Variants in ARHGEF3 observed in about 807,000 individuals in gnomAD.
ARHGEF3 encodes Rho guanine nucleotide exchange factor 3.
ARHGEF3 carries 28 observed loss-of-function variants against 63.2 expected under a neutral mutation model. The ratio of observed to expected loss-of-function variants is 0.44; its 90% CI spans 0.33 to 0.61. The LOEUF (loss-of-function observed/expected upper bound fraction) is 0.61. Among genes scored for constraint, ARHGEF3 ranks in the 20% least tolerant of loss-of-function variants. The pLI, the probability that ARHGEF3 is intolerant of heterozygous loss-of-function variation, is 0.03. For synonymous variants in ARHGEF3, 266 were observed against 254.2 expected (o/e 1.05, Z -0.44); for missense variants, 533 against 659.3 (o/e 0.81, Z 2.10).
intron 1 of ARHGEF3, among the ~76,000 whole-genome samples, chr3:57,042,631 C>T (rs1704234091): frequency 7.6e-6 from 1 of 131,508 alleles, no homozygotes; most frequent in Non-Finnish European, 1.6e-5. Flanking sequence ...CATGTCCCAG[C>T]ATAACACTGT....
intron 3 of ARHGEF3, among the ~76,000 whole-genome samples, chr3:56,915,696 GATA>G (rs1292878492): frequency 2.0e-5 from 3 of 152,102 alleles, no homozygotes; most frequent in African/African-American, 7.2e-5. Context: ...AGTCTCCACT[GATA>G]ATATCTGACT....
chr3:57,056,886 A>G (rs1704963405), intron 1 of ARHGEF3, among the ~76,000 whole-genome samples: 2 of 151,970 alleles, frequency 1.3e-5, no homozygotes, highest in South Asian at 4.1e-4. Flanking sequence ...TGGTTCAAGC[A>G]GGCGACAAAA....
At chr3:56,821,941 C>T (rs963050956) in intron 4 of ARHGEF3, among the ~76,000 whole-genome samples, 12 of 145,814 alleles carry the variant, frequency 8.2e-5, no homozygotes, top group East Asian at 4.0e-4. Context: ...CCAGCCTGGA[C>T]GACAGAGAAA....
At chr3:56,882,620 G>C (rs573221157) in intron 3 of ARHGEF3, among the ~76,000 whole-genome samples, 114 of 149,796 alleles carry the variant, frequency 7.6e-4, no homozygotes, top group African/African-American at 2.6e-3. Flanking sequence ...CTCGGTTCAA[G>C]CGATTCTCCT....
rs766860518 is a variant in ARHGEF3, at chr3:56,729,305, A to G, written c.1546T>C (p.Cys516Arg). ...CTTTCACCGTGCCTGCTGTTTCCAC[A>G]GGAAGAGTCTGTCTGTTCCATGCGC... ...CERMEQTDSS[C>R]GNSRHGESNV Residue 516 changes from cysteine (C) to arginine (R), a missense_variant, in exon 10 of 10, where the codon TGT (cysteine) becomes CGT (arginine). Transcript: ENST00000296315. 3 of 1,613,836 alleles carry G rather than the reference A, an allele frequency of 1.9e-6. No homozygotes were observed. The highest frequency in any genetic ancestry group is 2.5e-6 in the Non-Finnish European group (3 of 1,179,840).
chr3:57,061,304 ATTT>A (rs530275314), intron 1 of ARHGEF3, among the ~76,000 whole-genome samples: 1 of 151,268 alleles, frequency 6.6e-6, no homozygotes, highest in East Asian at 1.9e-4. Context: ...ATTTATTATT[ATTT>A]TTTTTTTTGC....
intron 3 of ARHGEF3, among the ~76,000 whole-genome samples, chr3:56,896,529 T>C (rs948899178): frequency 1.3e-5 from 2 of 152,178 alleles, no homozygotes; most frequent in African/African-American, 4.8e-5. Flanking sequence ...TAGCTATTGG[T>C]TTTCCTGGTC....
chr3:56,851,105 G>A (rs542744608), intron 4 of ARHGEF3, among the ~76,000 whole-genome samples: 1 of 152,206 alleles, frequency 6.6e-6, no homozygotes, highest in Admixed American at 6.5e-5. Flanking sequence ...TGTACTAAGG[G>A]TGGGTACATG....
intron 3 of ARHGEF3, chr3:56,940,902 G>A (rs372737497): frequency 6.6e-5 from 10 of 152,068 alleles, no homozygotes; most frequent in African/African-American, 1.7e-4. Context: ...TAAGAGACCC[G>A]ATGCTCTGAA....
At chr3:56,857,894 T>C (rs1210267310) in intron 4 of ARHGEF3, among the ~76,000 whole-genome samples, 1 of 152,166 alleles carries the variant, frequency 6.6e-6, no homozygotes, top group African/African-American at 2.4e-5. Flanking sequence ...TAGCTGGGAC[T>C]ATAGATGCAA....
intron 3 of ARHGEF3, among the ~76,000 whole-genome samples, 183 bp downstream of exon 3, chr3:56,754,798 C>G (rs560161076): frequency 3.9e-5 from 6 of 152,232 alleles, no homozygotes; most frequent in African/African-American, 1.2e-4. Context: ...AAGTGGGGGC[C>G]ACACCCTCCC....
chr3:57,010,255 C>T (rs190580232), intron 2 of ARHGEF3, among the ~76,000 whole-genome samples: 82 of 151,906 alleles, frequency 5.4e-4, no homozygotes, highest in African/African-American at 8.5e-4. Flanking sequence ...GAGATAGAGA[C>T]CATCCTGGCT....
At chr3:57,007,404 G>C (rs1702510650) in intron 2 of ARHGEF3, 1 of 1,260,718 alleles carries the variant, frequency 7.9e-7, no homozygotes, top group Non-Finnish European at 1.0e-6. Context: ...AGCTGGAATT[G>C]ATTTTGTTTA....
chr3:57,002,472 ATATATGT>A (rs200330162), intron 2 of ARHGEF3, among the ~76,000 whole-genome samples: 1,497 of 14,562 alleles, frequency 0.1, 91 homozygotes, highest in Non-Finnish European at 0.16. Flanking sequence ...CTATATATAT[ATATATGT>A]TATATATATA....
At chr3:56,919,194 C>T (rs544854364) in intron 3 of ARHGEF3, among the ~76,000 whole-genome samples, 1 of 152,274 alleles carries the variant, frequency 6.6e-6, no homozygotes, top group East Asian at 1.9e-4. Flanking sequence ...GCCTGAAATT[C>T]AGGGTTTTAT....
intron 2 of ARHGEF3, among the ~76,000 whole-genome samples, chr3:57,009,515 G>A (rs951706941): frequency 2.6e-5 from 4 of 152,254 alleles, no homozygotes; most frequent in Admixed American, 6.5e-5. Flanking sequence ...ATCTCTGAGC[G>A]GGGTGGTAGC....
rs537553647 is a variant in ARHGEF3 at position 57,054,139 on chromosome 3, C to G, written c.-27-18963G>C. 6.6e-5 allele frequency among the ~76,000 whole-genome samples: 10 copies of G among 152,260 alleles called. No homozygotes were observed. The East Asian group carries it at 1.9e-3, about 29-fold the overall frequency. On this transcript the variant is annotated intron_variant, in intron 1 of 12. Transcript: ENST00000338458. ...TCCCACTAGCAGTGTGTGTGAGTTCCAGTTGCACCATATCTTCACCAACAC... is the reference window on the plus strand; with the variant it reads ...TCCCACTAGCAGTGTGTGTGAGTTCGAGTTGCACCATATCTTCACCAACAC...
At chr3:56,810,627 G>A (rs182316109) in intron 4 of ARHGEF3, among the ~76,000 whole-genome samples, 322 of 152,250 alleles carry the variant, frequency 2.1e-3, no homozygotes, top group Non-Finnish European at 3.4e-3. Context: ...ACATGTGGAG[G>A]AAAATGTGTA....
At chr3:56,774,548 G>T (rs2036185509) in intron 1 of ARHGEF3, among the ~76,000 whole-genome samples, 1 of 152,186 alleles carries the variant, frequency 6.6e-6, no homozygotes, top group Admixed American at 6.5e-5. Flanking sequence ...AAACCAGGCT[G>T]ATAGGTGGGA....
Sources: allele counts gnomAD v4.1 joint callset (sites outside exome capture counted in the v4.1 genomes callset), GRCh38; gene constraint gnomAD v4.1.1; transcripts MANE v1.5; gene names NCBI Gene and HGNC (gene_info 2026-07-23, HGNC 2026-07-21).